Variants in GRXCR1 observed in about 807,000 individuals in gnomAD.
GRXCR1 encodes the protein glutaredoxin and cysteine rich domain containing 1.
A neutral mutation model predicts 27.3 loss-of-function variants in GRXCR1; 27 were observed. The observed-to-expected ratio is 0.99, with a 90% confidence interval of 0.73 to 1.37. The LOEUF is 1.37. Among genes scored for constraint, GRXCR1 ranks in the 40% most tolerant of loss-of-function variants. The pLI is 0.00. For synonymous variants in GRXCR1, 122 were observed against 131.1 expected (o/e 0.93, Z 0.47); for missense variants, 379 against 354.4 (o/e 1.07, Z -0.56).
At chr4:42,944,284 T>G (rs974260787) in intron 1 of GRXCR1, among the ~76,000 whole-genome samples, 3 of 151,970 alleles carry the variant, frequency 2.0e-5, no homozygotes, top group African/African-American at 7.2e-5. Flanking sequence ...TGAGATTGTA[T>G]CAGGATTTTA....
intron 2 of GRXCR1, among the ~76,000 whole-genome samples, chr4:42,994,679 T>C (rs185368134): frequency 1.3e-5 from 2 of 152,264 alleles, no homozygotes; most frequent in East Asian, 3.9e-4. Context: ...TCTCTGAGAA[T>C]ACCTAGTAAA....
At chr4:43,010,384 CAA>C (rs1712707992) in intron 2 of GRXCR1, among the ~76,000 whole-genome samples, 1 of 142,102 alleles carries the variant, frequency 7.0e-6, no homozygotes, top group African/African-American at 2.7e-5. Flanking sequence ...GCCTCGGTAA[CAA>C]GAGAGAAACT....
intron 1 of GRXCR1, among the ~76,000 whole-genome samples, chr4:42,932,659 GAGAGA>G (rs1560654436): frequency 6.9e-4 from 86 of 125,130 alleles, no homozygotes; most frequent in African/African-American, 1.1e-3. Flanking sequence ...GAGAGAGAGA[GAGAGA>G]GGCAATCTGT....
At chr4:42,963,231 CA>C in intron 2 of GRXCR1, 97 bp downstream of exon 2, 1 of 1,422,112 alleles carries the variant, frequency 7.0e-7, no homozygotes, top group Non-Finnish European at 9.9e-7. Flanking sequence ...ACTACTGGAA[CA>C]CTTGCTGGTT....
intron 1 of GRXCR1, among the ~76,000 whole-genome samples, chr4:42,956,406 CA>C (rs529869705): frequency 1.2e-3 from 181 of 150,908 alleles, no homozygotes; most frequent in Middle Eastern, 3.5e-3. Flanking sequence ...GATGCTTTGA[CA>C]AATCTATTGA....
chr4:42,966,421 G>T (rs1018581471), intron 2 of GRXCR1, among the ~76,000 whole-genome samples: 1 of 152,050 alleles, frequency 6.6e-6, no homozygotes, highest in African/African-American at 2.4e-5. Flanking sequence ...TGATATTGAG[G>T]TGGGACTGAT....
chr4:43,019,259 T>C (rs1466674748), intron 2 of GRXCR1, among the ~76,000 whole-genome samples: 1 of 152,210 alleles, frequency 6.6e-6, no homozygotes, highest in African/African-American at 2.4e-5. Flanking sequence ...CATTCTACCC[T>C]GTGGGTTAGT....
At chr4:42,980,505 C>T (rs1019159201) in intron 2 of GRXCR1, among the ~76,000 whole-genome samples, 1 of 151,910 alleles carries the variant, frequency 6.6e-6, no homozygotes, top group Non-Finnish European at 1.5e-5. Context: ...AAGAAAGATA[C>T]TTGATATGAT....
rs1380384706 is a variant in GRXCR1 at position 42,963,121 on chromosome 4, G to A, written c.614G>A (p.Gly205Asp). 6.2e-7 allele frequency: 1 copy of A among 1,612,512 alleles called. No individual in the cohort carries two copies. The highest frequency in any genetic ancestry group is 8.5e-7 in the Non-Finnish European group (1 of 1,178,916). ...APSLPVVFID[G>D]HYLGGAEKIL... ...TCCCTCCCTGTTGTGTTCATTGATG[G>A]CCATTACCTTGGGGTAAGTAAGCTG... The change falls in exon 2 of 4, where the codon GGC becomes GAC. Residue 205 changes from glycine (G) to aspartate (D), a missense_variant. Physicochemically the swap from Gly to Asp is moderately conservative, Grantham distance 94. Transcript: ENST00000399770.
intron 1 of GRXCR1, among the ~76,000 whole-genome samples, chr4:42,922,279 C>T (rs2019046809): frequency 6.6e-6 from 1 of 152,070 alleles, no homozygotes; most frequent in Non-Finnish European, 1.5e-5. Context: ...GTCTGTGGCC[C>T]AAGGCCTTCT....
chr4:43,008,533 C>G (rs78042033), intron 2 of GRXCR1, among the ~76,000 whole-genome samples: 14,936 of 152,208 alleles, frequency 0.098, 945 homozygotes, highest in Non-Finnish European at 0.14. Context: ...GTGCATTTGA[C>G]AAATTTAATA....
intron 2 of GRXCR1, among the ~76,000 whole-genome samples, chr4:42,987,222 T>TTATATATTATA (rs1553943898): frequency 0.027 from 2,675 of 100,438 alleles, 96 homozygotes; most frequent in African/African-American, 0.082. Flanking sequence ...TATATATATA[T>TTATATATTATA]TATATATTAT....
intron 2 of GRXCR1, among the ~76,000 whole-genome samples, chr4:43,004,080 G>A (rs1288540664): frequency 6.6e-6 from 1 of 152,226 alleles, no homozygotes; most frequent in Non-Finnish European, 1.5e-5. Flanking sequence ...CCACTGCTCT[G>A]TGCAGCCTTG....
chr4:42,925,286 C>T (rs1671822464), intron 1 of GRXCR1, among the ~76,000 whole-genome samples: 2 of 151,924 alleles, frequency 1.3e-5, no homozygotes, highest in African/African-American at 2.4e-5. Context: ...GGTTGGGGGG[C>T]ATGAGTAAAG....
chr4:42,940,113 T>A (rs995475064), intron 1 of GRXCR1, among the ~76,000 whole-genome samples: 1 of 151,912 alleles, frequency 6.6e-6, no homozygotes, highest in Non-Finnish European at 1.5e-5. Flanking sequence ...CATGGGAGGA[T>A]CTTTCTGAGT....
At chr4:42,912,586 A>G (rs927962198) in intron 1 of GRXCR1, among the ~76,000 whole-genome samples, 2 of 152,200 alleles carry the variant, frequency 1.3e-5, no homozygotes, top group Non-Finnish European at 2.9e-5. Flanking sequence ...AGTTCTGTTC[A>G]TTAGTCAATA....
At chr4:42,944,361 C>A (rs1293228631) in intron 1 of GRXCR1, among the ~76,000 whole-genome samples, 1 of 151,944 alleles carries the variant, frequency 6.6e-6, no homozygotes, top group African/African-American at 2.4e-5. Flanking sequence ...AATCTTGGAT[C>A]CAGGAACAGC....
intron 1 of GRXCR1, among the ~76,000 whole-genome samples, chr4:42,897,517 A>G (rs1035708471): frequency 6.6e-6 from 1 of 152,146 alleles, no homozygotes; most frequent in Non-Finnish European, 1.5e-5. Context: ...CCGTCTATGT[A>G]TGTACATGGA....
intron 2 of GRXCR1, among the ~76,000 whole-genome samples, chr4:42,996,286 G>A: frequency 6.6e-6 from 1 of 152,170 alleles, no homozygotes; most frequent in East Asian, 1.9e-4. Flanking sequence ...CTTGTGACTT[G>A]TGGTGCTCTG....
Sources: gnomAD v4.1 joint callset for allele counts (sites outside exome capture counted in the v4.1 genomes callset) on GRCh38, gnomAD v4.1.1 for gene constraint, MANE v1.5 for transcripts, NCBI Gene and HGNC (gene_info 2026-07-23, HGNC 2026-07-21) for gene names.